The following RABL2B variants were observed in gnomAD, a reference collection of about 807,000 sequenced individuals.
The protein encoded by RABL2B is rab-like protein 2B.
In RABL2B, 17 loss-of-function variants were observed where a neutral mutation model predicts 26.7. The observed-to-expected ratio is 0.64, with a 90% CI of 0.44 to 0.95. RABL2B has a LOEUF of 0.95. RABL2B is among the 40% of genes least tolerant of loss of function. The pLI is 0.00. For synonymous variants in RABL2B, 70 were observed against 103.9 expected, an observed-to-expected ratio of 0.67 and a Z score of 1.99; for missense variants, 170 against 277.2, an observed-to-expected ratio of 0.61 and a Z score of 2.75.
rs781937910 is a variant in RABL2B at position 50,776,706 on chromosome 22, G to A, written c.181C>T (p.His61Tyr). 327 of 1,611,666 alleles carry A rather than the reference G, an allele frequency of 2.0e-4. 2 individuals carry two copies. Among genetic ancestry groups the A allele is most frequent in the South Asian group, 1.1e-3 (97 of 90,454 alleles). Residue 61 changes from histidine to tyrosine, a missense_variant, in exon 4 of 9, where the codon CAC becomes TAC. Physicochemically the swap from His to Tyr is moderately conservative, Grantham distance 83. Around this residue, in one of 2 missense-constraint regions of RABL2B, gnomAD observed 165 missense variants for 232.0 expected, o/e 0.71. Transcript: ENST00000691320. Reference sequence around the variant, plus strand: ...GTCCTTCCATCTACCGTGGCTGTGTGCTTGTACAGGGTCAGGGCGTACGTG... The same window carrying A: ...GTCCTTCCATCTACCGTGGCTGTGTACTTGTACAGGGTCAGGGCGTACGTG... ...LSTYALTLYK[H>Y]TATVDGRTIL...
intron 2 of RABL2B, among the ~76,000 whole-genome samples, chr22:50,779,103 G>A (rs1437118241): frequency 8.0e-5 from 12 of 150,710 alleles, no homozygotes; most frequent in Non-Finnish European, 1.3e-4. Context: ...GGAGGAAGAG[G>A]AGAGATCCAT....
intron 4 of RABL2B, 125 bp from the exon 5 acceptor site, chr22:50,775,976 A>T: frequency 2.1e-6 from 2 of 950,306 alleles, no homozygotes; most frequent in East Asian, 2.5e-5. Context: ...ACAGGGAGAA[A>T]CAGAGACTAT....
chr22:50,783,395 C>A (rs1280412294), intron 1 of RABL2B, 106 bp downstream of exon 1: 2 of 152,532 alleles, frequency 1.3e-5, no homozygotes, highest in Admixed American at 6.5e-5. Flanking sequence ...AGCCACCTTT[C>A]CGTGCTTCCC....
chr22:50,776,191 C>T (rs1391125374), intron 4 of RABL2B, among the ~76,000 whole-genome samples: 4 of 152,172 alleles, frequency 2.6e-5, no homozygotes, highest in Admixed American at 1.3e-4. Flanking sequence ...CAACTTCTCA[C>T]GTGCGCTGAC....
Position 50,769,506 on chromosome 22 carries a change from G to A in RABL2B, c.456C>T (p.Phe152=). 4 of 1,612,428 alleles carry A rather than the reference G, an allele frequency of 2.5e-6. No homozygotes were observed. Among genetic ancestry groups the A allele is most frequent in the Non-Finnish European group, 3.4e-6 (4 of 1,179,252 alleles). ...TQKSFNFAKK[F]SLPLYFVSAA... ...CCGAGACGAAATACAGGGGCAGGGA[G>A]AACTTCTTGGCAAAATTGAAGCTTT... Residue 152 remains phenylalanine, a synonymous_variant, in exon 7 of 9, where the codon TTC becomes TTT. Coordinates refer to ENST00000691320, the MANE Select transcript of RABL2B (RefSeq NM_001130919.3).
In RABL2B at chr22:50,777,975, C is replaced by T; in HGVS notation, c.114G>A (p.Met38Ile). Residue 38 changes from methionine (M) to isoleucine (I), a missense_variant, in exon 3 of 9, where the codon ATG becomes ATA. By Grantham distance (10) the Met-to-Ile change is conservative. Coordinates refer to ENST00000691320, the MANE Select transcript of RABL2B (RefSeq NM_001130919.3). ...ACAAGCCATCCATGAGAAATCTCTC[C>T]ATGAGTCTGTAAGCAGAACAGGCAA... Reference protein sequence around the residue: ...GDSAVGKSKLMERFLMDGFQP... With the variant: ...GDSAVGKSKLIERFLMDGFQP... 7.4e-6 allele frequency: 12 copies of T among 1,614,112 alleles called. No homozygotes were observed. The highest frequency in any genetic ancestry group is 1.0e-5 in the Non-Finnish European group (12 of 1,180,014).
chr22:50,767,608 T>C lies in RABL2B; in HGVS notation c.*1168A>G. On this transcript the variant is annotated 3_prime_UTR_variant, in exon 9 of 9. Transcript: ENST00000691320. ...GCCCGAGATTATCATAAAAACATAC[T>C]AGCAAGCCACAAGTACCAGAGAGGG... The C allele has an allele frequency of 2.9e-6, 1 of 341,300 alleles. No homozygotes were observed. Among genetic ancestry groups the C allele is most frequent in the Non-Finnish European group, 5.8e-6 (1 of 173,150 alleles). 21.1% of individuals were successfully genotyped at this position (341,300 alleles called of 1,614,324 possible).
intron 2 of RABL2B, among the ~76,000 whole-genome samples, chr22:50,781,698 C>T (rs2085908239): frequency 6.6e-6 from 1 of 152,134 alleles, no homozygotes; most frequent in African/African-American, 2.4e-5. Flanking sequence ...CAGAGCCTCC[C>T]TTCACCTCTC....
chr22:50,774,134 A>T (rs2084614963), intron 5 of RABL2B, among the ~76,000 whole-genome samples: 1 of 152,146 alleles, frequency 6.6e-6, no homozygotes, highest in South Asian at 2.1e-4. Context: ...TAACCTCGTG[A>T]TCCGCCCGCC....
At chr22:50,781,535 G>A (rs2085881240) in intron 2 of RABL2B, among the ~76,000 whole-genome samples, 1 of 152,100 alleles carries the variant, frequency 6.6e-6, no homozygotes, top group South Asian at 2.1e-4. Flanking sequence ...TAGAAACCAA[G>A]GTGGGCCTGG....
intron 2 of RABL2B, among the ~76,000 whole-genome samples, 162 bp downstream of exon 2, chr22:50,782,026 G>A (rs1263660313): frequency 2.0e-5 from 3 of 151,942 alleles, no homozygotes; most frequent in African/African-American, 4.8e-5. Context: ...CACACACAAC[G>A]GCTCACGTGA....
chr22:50,774,690 A>G lies in RABL2B; in HGVS notation c.297+1082T>C, dbSNP rs2747990. ...GCTATTCCAAGAAGTTTTAGTGACC[A>G]AGGTTTTCACTTGGTGACAATTGCT... On this transcript the variant is annotated intron_variant, in intron 5 of 8. Transcript: ENST00000691320. 5.8e-3 allele frequency among the ~76,000 whole-genome samples: 808 copies of G among 140,168 alleles called. 5 individuals are homozygous for G. The highest frequency in any genetic ancestry group is 8.0e-3 in the African/African-American group (300 of 37,598). 92.0% of individuals were successfully genotyped at this position (140,168 alleles called of 152,430 possible).
At chr22:50,774,655 G>C (rs2084697017) in intron 5 of RABL2B, among the ~76,000 whole-genome samples, 1 of 150,212 alleles carries the variant, frequency 6.7e-6, no homozygotes, top group African/African-American at 2.5e-5. Flanking sequence ...GTTAAAGCAA[G>C]ACCTTGAATG....
Position 50,769,034 on chromosome 22 carries a change from G to T in RABL2B, c.591+7C>A, listed in dbSNP as rs200910858. ...TCCATCCCACCCGAAATGTGGACCTGACCTACCTCGAGCTCCTGAAAAATC... is the reference window on the plus strand; with the variant it reads ...TCCATCCCACCCGAAATGTGGACCTTACCTACCTCGAGCTCCTGAAAAATC... On this transcript the variant is annotated splice_region_variant and intron_variant, in intron 8 of 8. Transcript: ENST00000691320. 6,782 of 1,190,844 alleles carry T rather than the reference G, an allele frequency of 5.7e-3. 144 individuals carry two copies. In the African/African-American group the frequency reaches 0.059, roughly 10 times the overall value. The allele number at this position is 1,190,844 out of a possible 1,614,324, so 73.8% of individuals were successfully genotyped here. A position where few individuals can be genotyped will look rare whatever the true frequency, so the allele number is the denominator to read the frequency against.
intron 3 of RABL2B, 50 bp downstream of exon 3, chr22:50,777,902 G>A: frequency 6.2e-7 from 1 of 1,613,358 alleles, no homozygotes; most frequent in Non-Finnish European, 8.5e-7. Flanking sequence ...TGATACATGA[G>A]CGTGGGAAGA....
intron 2 of RABL2B, chr22:50,780,476 C>T (rs2085652507): frequency 3.5e-6 from 1 of 289,846 alleles, no homozygotes; most frequent in Non-Finnish European, 7.0e-6. Context: ...TCATAGCTCA[C>T]CACAGCCTGG....
At chr22:50,781,622 C>T (rs1326849547) in intron 2 of RABL2B, among the ~76,000 whole-genome samples, 1 of 152,174 alleles carries the variant, frequency 6.6e-6, no homozygotes, top group Non-Finnish European at 1.5e-5. Context: ...CAGAAATGGA[C>T]ATGTGCCCTC....
At chr22:50,770,606 T>C (rs377372611) in intron 5 of RABL2B, 237 of 153,198 alleles carry the variant, frequency 1.5e-3, no homozygotes, top group Middle Eastern at 0.01. Flanking sequence ...TGGAATCAAT[T>C]TGCCAATTGA....
intron 5 of RABL2B, 50 bp from the exon 6 acceptor site, chr22:50,770,066 C>T (rs569767504): frequency 2.5e-6 from 4 of 1,608,236 alleles, no homozygotes; most frequent in African/African-American, 2.7e-5. Context: ...AATGTTTCTG[C>T]ACCCCATCTC....
Sources: allele counts gnomAD v4.1 joint callset (sites outside exome capture counted in the v4.1 genomes callset), GRCh38; gene constraint gnomAD v4.1.1; regional missense constraint gnomAD v4.1.1; transcripts MANE v1.5; gene names NCBI Gene and HGNC (gene_info 2026-07-23, HGNC 2026-07-21).